TAF3: variants seen among roughly 807,000 people sequenced by gnomAD.
TAF3 encodes transcription initiation factor TFIID subunit 3.
Under a neutral mutation model 80.6 loss-of-function variants are expected in TAF3, and 7 were observed. That is an observed-to-expected ratio of 0.09 (90% CI 0.05 to 0.16). The LOEUF (loss-of-function observed/expected upper bound fraction) is 0.16. Among genes scored for constraint, TAF3 ranks in the 10% least tolerant of loss-of-function variants. TAF3 has a pLI of 1.00. For missense variants in TAF3, 921 were observed against 1,140.2 expected, an observed-to-expected ratio of 0.81 and a Z score of 2.77; for synonymous variants, 444 against 446.1, an observed-to-expected ratio of 1.00 and a Z score of 0.06.
chr10:7,875,225 G>GT (rs1365958879), intron 2 of TAF3, among the ~76,000 whole-genome samples: 1 of 151,692 alleles, frequency 6.6e-6, no homozygotes, highest in Non-Finnish European at 1.5e-5. Context: ...TCCATACATT[G>GT]TTTATTTATT....
At chr10:7,946,497 G>C (rs893607847) in intron 2 of TAF3, among the ~76,000 whole-genome samples, 1 of 152,194 alleles carries the variant, frequency 6.6e-6, no homozygotes, top group African/African-American at 2.4e-5. Flanking sequence ...GCCGAGGCAG[G>C]CAGATTATTT....
chr10:7,863,842 T>C (rs922823505), intron 2 of TAF3, among the ~76,000 whole-genome samples: 3 of 151,232 alleles, frequency 2.0e-5, no homozygotes, highest in South Asian at 2.1e-4. Context: ...GCATCTCTTA[T>C]ACATAATTTA....
intron 2 of TAF3, among the ~76,000 whole-genome samples, chr10:7,938,386 C>T (rs150756474): frequency 5.5e-4 from 84 of 152,102 alleles, no homozygotes; most frequent in African/African-American, 2.0e-3. Context: ...ATGTGATGGG[C>T]GGGCCTCGCC....
At chr10:7,826,385 A>G (rs1391028429) in intron 2 of TAF3, among the ~76,000 whole-genome samples, 2 of 152,250 alleles carry the variant, frequency 1.3e-5, no homozygotes, top group Non-Finnish European at 2.9e-5. Flanking sequence ...AAGGAAATGT[A>G]ACTAAGATAA....
chr10:7,902,911 T>G (rs1041936409), intron 2 of TAF3, among the ~76,000 whole-genome samples: 1 of 148,644 alleles, frequency 6.7e-6, no homozygotes, highest in African/African-American at 2.5e-5. Flanking sequence ...TAGACTCAGG[T>G]TTTTTTTTTA....
chr10:8,007,216 A>T (rs894081128), intron 4 of TAF3, among the ~76,000 whole-genome samples: 1 of 152,342 alleles, frequency 6.6e-6, no homozygotes, highest in Admixed American at 6.5e-5. Flanking sequence ...TAGAATAAAT[A>T]ATATAGATCT....
At chr10:7,984,923 G>C (rs1831761837) in intron 4 of TAF3, among the ~76,000 whole-genome samples, 1 of 152,186 alleles carries the variant, frequency 6.6e-6, no homozygotes, top group Non-Finnish European at 1.5e-5. Context: ...GTTTCCTACA[G>C]ATGAAAACAC....
chr10:7,983,776 C>A (rs1460662009), intron 4 of TAF3, among the ~76,000 whole-genome samples: 1 of 151,984 alleles, frequency 6.6e-6, no homozygotes, highest in Non-Finnish European at 1.5e-5. Context: ...GAACTCAAGG[C>A]TACAGTGAGC....
rs754573761 is a variant in TAF3 at position 8,014,777 on chromosome 10, G to A, written c.*26G>A. The A allele has an allele frequency of 3.9e-6, 6 of 1,554,778 alleles. No individual in the cohort carries two copies. Among genetic ancestry groups the A allele is most frequent in the Admixed American group, 1.9e-5 (1 of 51,688 alleles). On this transcript the variant is annotated 3_prime_UTR_variant, in exon 7 of 7. Coordinates refer to ENST00000344293, the MANE Select transcript of TAF3 (RefSeq NM_031923.4). ...CGACTCCCGAGGGGCTGGACCAAGC[G>A]GGGTCAGCCCGGGCTTCTTCCCTGG... is the stretch of plus-strand genomic sequence containing the variant.
intron 4 of TAF3, among the ~76,000 whole-genome samples, chr10:7,980,107 C>T (rs1831711753): frequency 6.6e-6 from 1 of 151,908 alleles, no homozygotes; most frequent in Non-Finnish European, 1.5e-5. Flanking sequence ...TTTGCACACA[C>T]CTTGGGGGGG....
chr10:7,944,742 C>T (rs1258995362), intron 2 of TAF3, among the ~76,000 whole-genome samples: 2 of 152,056 alleles, frequency 1.3e-5, no homozygotes, highest in Non-Finnish European at 2.9e-5. Context: ...AAGAATTAGA[C>T]AAAAGTGATT....
chr10:7,970,538 A>G (rs758468582), intron 3 of TAF3, among the ~76,000 whole-genome samples: 11 of 152,146 alleles, frequency 7.2e-5, no homozygotes, highest in Non-Finnish European at 1.6e-4. Context: ...TGCTTTGGTG[A>G]CCTAAGTGAC....
intron 3 of TAF3, among the ~76,000 whole-genome samples, chr10:7,967,802 C>T (rs1381443976): frequency 6.6e-6 from 1 of 152,138 alleles, no homozygotes; most frequent in Admixed American, 6.5e-5. Flanking sequence ...GATTGCTGCT[C>T]CATTGGACCA....
At chr10:7,947,581 C>T (rs566775192) in intron 2 of TAF3, among the ~76,000 whole-genome samples, 4 of 152,232 alleles carry the variant, frequency 2.6e-5, no homozygotes, top group Non-Finnish European at 4.4e-5. Flanking sequence ...CCAAATAATA[C>T]GAGAGAAGCA....
intron 2 of TAF3, among the ~76,000 whole-genome samples, chr10:7,886,274 C>T (rs544477847): frequency 5.9e-5 from 9 of 152,128 alleles, no homozygotes; most frequent in Non-Finnish European, 7.3e-5. Context: ...CATAACCAGC[C>T]GCTCCCTAAT....
intron 2 of TAF3, among the ~76,000 whole-genome samples, chr10:7,929,317 G>A (rs1413445373): frequency 6.6e-6 from 1 of 151,480 alleles, no homozygotes; most frequent in Non-Finnish European, 1.5e-5. Flanking sequence ...TATCAATTCA[G>A]TTCTTTACAG....
chr10:7,944,093 TTGTGTGTG>T (rs35219363), intron 2 of TAF3, among the ~76,000 whole-genome samples: 114 of 137,164 alleles, frequency 8.3e-4, no homozygotes, highest in African/African-American at 1.9e-3. Flanking sequence ...ATGTTCATGC[TTGTGTGTG>T]TGTGTGTGTG....
chr10:8,006,452 A>G (rs1402213691), intron 4 of TAF3, among the ~76,000 whole-genome samples: 2 of 152,132 alleles, frequency 1.3e-5, no homozygotes, highest in South Asian at 4.1e-4. Flanking sequence ...TTGGCTTTCA[A>G]GTGCTTAGGA....
chr10:7,824,930 C>T (rs757566385), intron 2 of TAF3, among the ~76,000 whole-genome samples: 3 of 152,208 alleles, frequency 2.0e-5, no homozygotes, highest in Non-Finnish European at 4.4e-5. Flanking sequence ...GCTTATTATT[C>T]AGGCCATGAG....
Sources: allele counts gnomAD v4.1 joint callset (sites outside exome capture counted in the v4.1 genomes callset), GRCh38; gene constraint gnomAD v4.1.1; transcripts MANE v1.5; gene names NCBI Gene and HGNC (gene_info 2026-07-23, HGNC 2026-07-21).